MTHFD2L: variants seen among roughly 807,000 people sequenced by gnomAD.
The protein encoded by MTHFD2L is bifunctional methylenetetrahydrofolate dehydrogenase/cyclohydrolase 2, mitochondrial.
A neutral mutation model predicts 34.9 loss-of-function variants in MTHFD2L; 29 were observed. The observed-to-expected ratio is 0.83, with a 90% confidence interval of 0.62 to 1.13. The LOEUF (loss-of-function observed/expected upper bound fraction) is 1.13, where lower values mean the gene tolerates loss of function less well. Among genes scored for constraint, MTHFD2L ranks in the 50% most tolerant of loss-of-function variants. The pLI, the probability that MTHFD2L is intolerant of heterozygous loss-of-function variation, is 0.00. For synonymous variants in MTHFD2L, 167 were observed against 155.7 expected (o/e 1.07, Z -0.54); for missense variants, 481 against 446.5 (o/e 1.08, Z -0.70).
intron 7 of MTHFD2L, among the ~76,000 whole-genome samples, chr4:74,295,868 T>C (rs776055067): frequency 6.6e-5 from 10 of 152,124 alleles, no homozygotes; most frequent in Non-Finnish European, 1.2e-4. Flanking sequence ...CACCTCTCTA[T>C]TCCACATGGA....
intron 6 of MTHFD2L, among the ~76,000 whole-genome samples, chr4:74,227,243 T>C (rs1739308503): frequency 1.3e-5 from 2 of 152,316 alleles, no homozygotes; most frequent in African/African-American, 4.8e-5. Context: ...TTGCTCAGCA[T>C]CCTTTCCCCG....
In MTHFD2L at chr4:74,180,737, A is replaced by G. The variant is rs56363914; in HGVS notation, c.451+5334A>G. The G allele has an allele frequency of 2.8e-3, 1,272 of 451,456 alleles. 2 individuals are homozygous for G. Among genetic ancestry groups the G allele is most frequent in the Non-Finnish European group, 4.5e-3 (1,003 of 223,134 alleles). The allele number at this position is 451,456 out of a possible 1,614,324, so 28.0% of individuals were successfully genotyped here. A position where few individuals can be genotyped will look rare whatever the true frequency, so the allele number is the denominator to read the frequency against. Reference sequence around the variant, plus strand: ...TGAAATGCTCGGGATATAAGAGTACACAGGCTTGCTCTTTGTCCAGTAGCT... The same window carrying G: ...TGAAATGCTCGGGATATAAGAGTACGCAGGCTTGCTCTTTGTCCAGTAGCT... On this transcript the variant is annotated intron_variant, in intron 3 of 7. Coordinates refer to ENST00000325278, the MANE Select transcript of MTHFD2L (RefSeq NM_001144978.3).
rs529032560 is a variant in MTHFD2L at position 74,206,347 on chromosome 4, C to T, written c.712+4977C>T. On this transcript the variant is annotated intron_variant, in intron 5 of 7. Coordinates refer to ENST00000325278, the MANE Select transcript of MTHFD2L (RefSeq NM_001144978.3). ...GTGTGGGCTGATGTCATCTCAACAACGGCTGGGTTGTTAACCAGGGGCCTT... is the reference window on the plus strand; with the variant it reads ...GTGTGGGCTGATGTCATCTCAACAATGGCTGGGTTGTTAACCAGGGGCCTT... Among the ~76,000 whole-genome samples, 15 of 152,190 alleles carry T rather than the reference C, an allele frequency of 9.9e-5. No homozygotes were observed. In the East Asian group the frequency reaches 1.2e-3, roughly 12 times the overall value.
intron 1 of MTHFD2L, among the ~76,000 whole-genome samples, chr4:74,167,212 C>G (rs1348842438): frequency 6.6e-6 from 1 of 152,222 alleles, no homozygotes; most frequent in East Asian, 1.9e-4. Flanking sequence ...GCCAACTAAT[C>G]CAAGGGCTTT....
At chr4:74,254,714 G>A (rs62312515) in intron 6 of MTHFD2L, among the ~76,000 whole-genome samples, 40,678 of 151,974 alleles carry the variant, frequency 0.27, 5,876 homozygotes, top group African/African-American at 0.38. Flanking sequence ...AACTCATTGT[G>A]AAGGTAAGAA....
At chr4:74,243,868 G>A (rs1305287132) in intron 6 of MTHFD2L, among the ~76,000 whole-genome samples, 3 of 152,094 alleles carry the variant, frequency 2.0e-5, no homozygotes, top group Non-Finnish European at 2.9e-5. Context: ...CTATAATAGT[G>A]GGCTCTGTGA....
intron 1 of MTHFD2L, among the ~76,000 whole-genome samples, chr4:74,164,231 G>A (rs766334322): frequency 2.0e-5 from 3 of 152,166 alleles, no homozygotes; most frequent in South Asian, 2.1e-4. Context: ...AGTTGAAGTC[G>A]TGAATAAAGA....
chr4:74,212,360 A>G (rs1279114858), intron 5 of MTHFD2L, among the ~76,000 whole-genome samples: 3 of 152,030 alleles, frequency 2.0e-5, no homozygotes, highest in Admixed American at 6.6e-5. Context: ...TAAAGACCAC[A>G]TTAGCTGTGT....
At chr4:74,294,092 A>G (rs1749334152) in intron 7 of MTHFD2L, among the ~76,000 whole-genome samples, 1 of 152,148 alleles carries the variant, frequency 6.6e-6, no homozygotes, top group Non-Finnish European at 1.5e-5. Flanking sequence ...TTTAAAAGAG[A>G]CAGTGAAACA....
chr4:74,297,222 C>T (rs1749739456), intron 7 of MTHFD2L, among the ~76,000 whole-genome samples: 1 of 152,018 alleles, frequency 6.6e-6, no homozygotes, highest in Non-Finnish European at 1.5e-5. Context: ...TTAAACATTT[C>T]CATGTCATCT....
chr4:74,277,805 ATTTG>A lies in MTHFD2L; in HGVS notation c.806-3592_806-3589del, dbSNP rs112943918. Among the ~76,000 whole-genome samples the A allele has an allele frequency of 6.5e-3, 987 of 151,382 alleles. 4 individuals are homozygous for A. Among genetic ancestry groups the A allele is most frequent in the Non-Finnish European group, 9.0e-3 (613 of 67,874 alleles). ...TCTCGTTTTGTTTTTAGGTGTATGCATTTGTTTGTTTGTTTGTTTGTTTGTTTGT... is the reference window on the plus strand; with the variant it reads ...TCTCGTTTTGTTTTTAGGTGTATGCATTTGTTTGTTTGTTTGTTTGTTTGT... On this transcript the variant is annotated intron_variant, in intron 6 of 7. Transcript: ENST00000325278.
At chr4:74,235,058 GAC>G (rs1264469401) in intron 6 of MTHFD2L, among the ~76,000 whole-genome samples, 1 of 152,080 alleles carries the variant, frequency 6.6e-6, no homozygotes, top group Non-Finnish European at 1.5e-5. Flanking sequence ...CTTTCAAAAT[GAC>G]AGGTGCCTGT....
At chr4:74,161,526 C>G (rs1725464697) in intron 1 of MTHFD2L, 1 of 152,190 alleles carries the variant, frequency 6.6e-6, no homozygotes, top group Admixed American at 6.5e-5. Context: ...AATTCAAAAA[C>G]TAAGTGTTTC....
At chr4:74,264,827 G>A (rs1179024299) in intron 6 of MTHFD2L, among the ~76,000 whole-genome samples, 1 of 151,762 alleles carries the variant, frequency 6.6e-6, no homozygotes, top group African/African-American at 2.4e-5. Flanking sequence ...ACCTTAATAT[G>A]TTATTTAATT....
At chr4:74,221,438 ATTCTAT>A (rs1269609227) in intron 5 of MTHFD2L, among the ~76,000 whole-genome samples, 1 of 151,694 alleles carries the variant, frequency 6.6e-6, no homozygotes, top group Non-Finnish European at 1.5e-5. Context: ...GCTTAAAGGA[ATTCTAT>A]TTCTTTTTCT....
chr4:74,266,514 T>C (rs1471397468), intron 6 of MTHFD2L, among the ~76,000 whole-genome samples: 2 of 152,200 alleles, frequency 1.3e-5, no homozygotes, highest in Non-Finnish European at 2.9e-5. Flanking sequence ...ATTTTTGTTT[T>C]TGGATTTCCA....
intron 5 of MTHFD2L, among the ~76,000 whole-genome samples, chr4:74,205,553 A>G (rs528892410): frequency 4.6e-5 from 7 of 152,308 alleles, no homozygotes; most frequent in South Asian, 2.1e-4. Flanking sequence ...TAGTTTTGTT[A>G]TTAAGGACAT....
intron 6 of MTHFD2L, among the ~76,000 whole-genome samples, chr4:74,236,785 A>G (rs568645824): frequency 2.0e-5 from 3 of 152,234 alleles, no homozygotes; most frequent in Non-Finnish European, 4.4e-5. Flanking sequence ...GATATGTCCC[A>G]TGAATATTAT....
At chr4:74,216,635 A>T (rs1273580070) in intron 5 of MTHFD2L, among the ~76,000 whole-genome samples, 2 of 151,528 alleles carry the variant, frequency 1.3e-5, no homozygotes, top group African/African-American at 4.9e-5. Flanking sequence ...ACCCATCTCA[A>T]TCTTATATGC....
Sources: allele counts gnomAD v4.1 joint callset (sites outside exome capture counted in the v4.1 genomes callset), GRCh38; gene constraint gnomAD v4.1.1; transcripts MANE v1.5; gene names NCBI Gene and HGNC (gene_info 2026-07-23, HGNC 2026-07-21).